Variants in TDRD5 observed in about 807,000 individuals in gnomAD.
TDRD5 encodes the protein tudor domain containing 5.
TDRD5 carries 41 observed loss-of-function variants against 120.6 expected under a neutral mutation model. That is an observed-to-expected ratio of 0.34 (90% CI 0.26 to 0.44). The LOEUF (loss-of-function observed/expected upper bound fraction) is 0.44, where lower values mean the gene tolerates loss of function less well. Among genes scored for constraint, TDRD5 ranks in the 20% least tolerant of loss-of-function variants. The pLI, the probability that TDRD5 is intolerant of heterozygous loss-of-function variation, is 1.00. For missense variants in TDRD5, 1,006 were observed against 1,221.2 expected (o/e 0.82, Z 2.63); for synonymous variants, 430 against 433.7 (o/e 0.99, Z 0.11).
chr1:179,607,555 T>C (rs1676043249), intron 4 of TDRD5, among the ~76,000 whole-genome samples: 1 of 152,158 alleles, frequency 6.6e-6, no homozygotes, highest in African/African-American at 2.4e-5. Flanking sequence ...TATTTTTCTG[T>C]TTTATATTTT....
In TDRD5 at chr1:179,592,755, T is replaced by C. The variant is rs1675184829; in HGVS notation, c.140T>C (p.Ile47Thr). ...LMVGNHLPLR[I>T]LGYRSTMELV... ...GTTGGCAACCATCTACCACTCCGAA[T>C]CCTTGGGTATCGGTCCACTATGGAG... The change falls in exon 2 of 18, where the codon ATC becomes ACC. Residue 47 changes from isoleucine to threonine, a missense_variant. Physicochemically the swap from Ile to Thr is moderately conservative, Grantham distance 89. Transcript: ENST00000444136. 1.9e-6 allele frequency: 3 copies of C among 1,614,200 alleles called. No homozygotes were observed. In the South Asian group the frequency reaches 3.3e-5, roughly 18 times the overall value.
chr1:179,646,978 A>G lies in TDRD5; in HGVS notation c.1801-3889A>G, dbSNP rs1228807746. On this transcript the variant is annotated intron_variant, in intron 11 of 17. Transcript: ENST00000444136. ...ATACAAACAAATGGAAGAACATTCC[A>G]TGCTCATGGGTAGGAAGAATCAATA... is the stretch of plus-strand genomic sequence containing the variant. 2.0e-5 allele frequency among the ~76,000 whole-genome samples: 3 copies of G among 150,218 alleles called. No homozygotes were observed. The Admixed American group carries it at 2.0e-4, about 10-fold the overall frequency.
At chr1:179,688,371 C>A (rs943185552) in intron 17 of TDRD5, among the ~76,000 whole-genome samples, 56 of 147,204 alleles carry the variant, frequency 3.8e-4, no homozygotes, top group African/African-American at 1.3e-3. Flanking sequence ...TGAATATTAT[C>A]CCCCACTCTC....
At chr1:179,650,743 C>T (rs1487291279) in intron 11 of TDRD5, 124 bp from the exon 12 acceptor site, 1 of 917,582 alleles carries the variant, frequency 1.1e-6, no homozygotes, top group African/African-American at 1.7e-5. Flanking sequence ...ATGTGTTATT[C>T]TAGTACTTTT....
intron 4 of TDRD5, among the ~76,000 whole-genome samples, chr1:179,600,951 C>T (rs1382768520): frequency 3.3e-5 from 5 of 151,904 alleles, no homozygotes; most frequent in Middle Eastern, 3.4e-3. Flanking sequence ...TGTTTCTGTT[C>T]GAATTTCATT....
At chr1:179,640,596 C>T in intron 11 of TDRD5, 151 bp downstream of exon 11, 3 of 785,362 alleles carry the variant, frequency 3.8e-6, no homozygotes. Flanking sequence ...GACATGTAGA[C>T]AAAAATTGTT....
chr1:179,598,780 A>G (rs1305696003), intron 4 of TDRD5, among the ~76,000 whole-genome samples: 1 of 151,660 alleles, frequency 6.6e-6, no homozygotes, highest in African/African-American at 2.4e-5. Context: ...TATTTTGTAG[A>G]GTTTGGATTT....
intron 11 of TDRD5, among the ~76,000 whole-genome samples, chr1:179,644,340 T>A (rs1224644554): frequency 6.6e-6 from 1 of 152,182 alleles, no homozygotes; most frequent in Non-Finnish European, 1.5e-5. Flanking sequence ...TGTTGGAGTT[T>A]ATAGCATATG....
At chr1:179,624,213 T>C (rs1297923319) in intron 6 of TDRD5, among the ~76,000 whole-genome samples, 4 of 152,142 alleles carry the variant, frequency 2.6e-5, no homozygotes, top group African/African-American at 9.7e-5. Context: ...AGAAAAAGAA[T>C]TACCAAAATT....
intron 11 of TDRD5, among the ~76,000 whole-genome samples, chr1:179,644,525 A>ATT (rs1678234315): frequency 6.6e-6 from 1 of 152,048 alleles, no homozygotes; most frequent in South Asian, 2.1e-4. Flanking sequence ...TAATCTTAAT[A>ATT]TTTTGTTTCA....
chr1:179,649,392 C>A (rs532418339), intron 11 of TDRD5, among the ~76,000 whole-genome samples: 1 of 151,914 alleles, frequency 6.6e-6, no homozygotes, highest in Non-Finnish European at 1.5e-5. Flanking sequence ...AGTTTTTCTT[C>A]CATTTCTCTT....
chr1:179,688,269 G>C (rs1680861646), intron 17 of TDRD5, among the ~76,000 whole-genome samples: 1 of 152,072 alleles, frequency 6.6e-6, no homozygotes, highest in Non-Finnish European at 1.5e-5. Flanking sequence ...GCATTTGCTT[G>C]TCTGTAAAGG....
chr1:179,592,520 A>G, intron 1 of TDRD5, 82 bp from the exon 2 acceptor site: 2 of 1,109,152 alleles, frequency 1.8e-6, no homozygotes, highest in Non-Finnish European at 2.6e-6. Context: ...AGTCTCAGTT[A>G]TTTGTATCCC....
In TDRD5 at chr1:179,595,714, A is replaced by G. The variant is rs200507631; in HGVS notation, c.727A>G (p.Thr243Ala). The G allele has an allele frequency of 1.4e-4, 233 of 1,613,804 alleles. No individual in the cohort carries two copies. The highest frequency in any genetic ancestry group is 1.8e-4 in the Non-Finnish European group (214 of 1,179,822). The stretch of plus-strand genomic sequence containing the variant: ...AGCAAAGCCATGCTTTTCACAACCC[A>G]CTTCAAACATGGAACCACCGAAGCA... Reference protein sequence around the residue: ...PVAKPCFSQPTSNMEPPKQIM... With the variant: ...PVAKPCFSQPASNMEPPKQIM... The change falls in exon 4 of 18, where the codon ACT (threonine) becomes GCT (alanine). Residue 243 changes from threonine (T) to alanine (A), a missense_variant. This residue lies in a region of TDRD5 where 445 missense variants were observed against 515.5 expected (regional missense o/e 0.86). Coordinates refer to ENST00000444136, the MANE Select transcript of TDRD5 (RefSeq NM_001199085.3).
At position 179,607,708 on chromosome 1, in the gene TDRD5, T is replaced by TTGTGA. The variant is rs1415625960; in HGVS notation, c.832-10889_832-10885dup. 1.4e-4 allele frequency among the ~76,000 whole-genome samples: 21 copies of TTGTGA among 152,130 alleles called. No individual in the cohort carries two copies. The South Asian group carries it at 4.1e-3, about 30-fold the overall frequency. ...CCCTCTTCCATCCTTTGTGCTCTTA[T>TTGTGA]TGTGATACATTTTAGTTCTCATTTT... On this transcript the variant is annotated intron_variant, in intron 4 of 17. Transcript: ENST00000444136.
intron 11 of TDRD5, among the ~76,000 whole-genome samples, chr1:179,645,598 A>G (rs1266469909): frequency 6.6e-6 from 1 of 152,174 alleles, no homozygotes; most frequent in African/African-American, 2.4e-5. Flanking sequence ...TATGTCCATA[A>G]GGTCAACTTT....
At chr1:179,690,507 G>A (rs1390777163) in intron 17 of TDRD5, among the ~76,000 whole-genome samples, 189 bp from the exon 18 acceptor site, 1 of 152,104 alleles carries the variant, frequency 6.6e-6, no homozygotes, top group Admixed American at 6.5e-5. Context: ...CTCAATTCAT[G>A]ATTCCCCATT....
At chr1:179,637,081 T>C (rs1266916622) in intron 9 of TDRD5, among the ~76,000 whole-genome samples, 1 of 152,258 alleles carries the variant, frequency 6.6e-6, no homozygotes, top group African/African-American at 2.4e-5. Flanking sequence ...TTTAGATTTA[T>C]TCATGAACAA....
Position 179,652,090 on chromosome 1 carries a change from C to T in TDRD5, c.2053C>T (p.Pro685Ser). ...LALYTTSSGG[P>S]EDIVLTELGY... Reference sequence around the variant, plus strand: ...TTTATACACGACATCCAGTGGAGGGCCAGAGGACATTGTCTTGACAGAACT... The same window carrying T: ...TTTATACACGACATCCAGTGGAGGGTCAGAGGACATTGTCTTGACAGAACT... Residue 685 changes from proline to serine, a missense_variant, in exon 13 of 18, where the codon CCA becomes TCA. Pro to Ser is a moderately conservative substitution (Grantham distance 74, BLOSUM62 -1). This residue lies in a region of TDRD5 where 403 missense variants were observed against 448.1 expected (regional missense o/e 0.90). Coordinates refer to ENST00000444136, the MANE Select transcript of TDRD5 (RefSeq NM_001199085.3). 6.2e-7 allele frequency: 1 copy of T among 1,613,866 alleles called. No homozygotes were observed. The highest frequency in any genetic ancestry group is 8.5e-7 in the Non-Finnish European group (1 of 1,179,968).
Sources: gnomAD v4.1 joint callset for allele counts (sites outside exome capture counted in the v4.1 genomes callset) on GRCh38, gnomAD v4.1.1 for gene constraint, gnomAD v4.1.1 regional missense constraint, MANE v1.5 for transcripts, NCBI Gene and HGNC (gene_info 2026-07-23, HGNC 2026-07-21) for gene names.